Variants in EFCAB5 observed in about 807,000 individuals in gnomAD.
EFCAB5 encodes the protein EF-hand calcium binding domain 5.
EFCAB5 carries 131 observed loss-of-function variants against 167.9 expected under a neutral mutation model. The observed-to-expected ratio is 0.78, with a 90% confidence interval of 0.68 to 0.90. The LOEUF (loss-of-function observed/expected upper bound fraction) is 0.90. EFCAB5 is among the 40% of genes least tolerant of loss of function. The pLI is 0.00. For synonymous variants in EFCAB5, 574 were observed against 602.8 expected, an observed-to-expected ratio of 0.95 and a Z score of 0.70; for missense variants, 1,663 against 1,745.2, an observed-to-expected ratio of 0.95 and a Z score of 0.84.
chr17:29,993,426 G>A (rs1567700914), intron 5 of EFCAB5, 105 bp downstream of exon 5: 1 of 1,194,052 alleles, frequency 8.4e-7, no homozygotes, highest in Non-Finnish European at 1.1e-6. Flanking sequence ...GAAATTTTCA[G>A]TATTGCTGAG....
intron 1 of EFCAB5, among the ~76,000 whole-genome samples, chr17:29,932,565 C>T (rs987535036): frequency 6.7e-6 from 1 of 148,342 alleles, no homozygotes; most frequent in South Asian, 2.1e-4. Flanking sequence ...AAGCTATTCT[C>T]CTGTCTCAGC....
At chr17:30,068,970 A>G in intron 14 of EFCAB5, 1 of 1,493,684 alleles carries the variant, frequency 6.7e-7, no homozygotes, top group South Asian at 1.1e-5. Flanking sequence ...TTCAACAACT[A>G]CGAACAGAAG....
At chr17:30,072,962 A>T in intron 14 of EFCAB5, 1 of 481,400 alleles carries the variant, frequency 2.1e-6, no homozygotes, top group Non-Finnish European at 3.7e-6. Context: ...TATTATCACT[A>T]TTTGTTTTGA....
intron 8 of EFCAB5, among the ~76,000 whole-genome samples, chr17:30,045,496 T>C (rs2069899502): frequency 6.7e-6 from 1 of 150,282 alleles, no homozygotes; most frequent in African/African-American, 2.4e-5. Flanking sequence ...AGGGAGCTTC[T>C]GGGGATAATG....
At chr17:29,967,396 G>A (rs562505622) in intron 3 of EFCAB5, among the ~76,000 whole-genome samples, 1 of 152,110 alleles carries the variant, frequency 6.6e-6, no homozygotes, top group Non-Finnish European at 1.5e-5. Flanking sequence ...TCAGTGCAGG[G>A]GAAAACCCTT....
At chr17:30,037,956 A>G (rs892585476) in intron 8 of EFCAB5, among the ~76,000 whole-genome samples, 2 of 152,202 alleles carry the variant, frequency 1.3e-5, no homozygotes, top group African/African-American at 4.8e-5. Context: ...TGTGCAAGTG[A>G]AAGGAAGAGT....
intron 3 of EFCAB5, among the ~76,000 whole-genome samples, chr17:29,955,855 G>A (rs1183984707): frequency 6.6e-6 from 1 of 151,896 alleles, no homozygotes; most frequent in Non-Finnish European, 1.5e-5. Context: ...AGCTCGAGTA[G>A]CCAAGCAATC....
intron 4 of EFCAB5, among the ~76,000 whole-genome samples, chr17:29,991,068 T>C (rs905254394): frequency 6.6e-6 from 1 of 152,116 alleles, no homozygotes; most frequent in East Asian, 1.9e-4. Flanking sequence ...TGTGAAAAGG[T>C]TCCAAGGTGG....
intron 8 of EFCAB5, among the ~76,000 whole-genome samples, chr17:30,047,193 G>A (rs752109510): frequency 9.2e-5 from 14 of 152,178 alleles, no homozygotes; most frequent in Middle Eastern, 3.4e-3. Flanking sequence ...TTGAGATGCC[G>A]GAATCTTCTT....
chr17:30,000,059 A>T, intron 7 of EFCAB5, 83 bp downstream of exon 7: 1 of 975,444 alleles, frequency 1.0e-6, no homozygotes, highest in Non-Finnish European at 1.5e-6. Context: ...ACATCATTAA[A>T]TTAGTATTAA....
At chr17:30,068,899 A>G in intron 14 of EFCAB5, 1 of 1,536,328 alleles carries the variant, frequency 6.5e-7, no homozygotes, top group Non-Finnish European at 9.0e-7. Flanking sequence ...GATGACAGAC[A>G]CAGAACGAGA....
chr17:29,999,718 C>T (rs1376866585), intron 6 of EFCAB5, among the ~76,000 whole-genome samples, 188 bp from the exon 7 acceptor site: 1 of 151,866 alleles, frequency 6.6e-6, no homozygotes, highest in Non-Finnish European at 1.5e-5. Flanking sequence ...TTTGCTTGCT[C>T]AGCCAGGAAA....
Position 30,053,368 on chromosome 17 carries a change from C to A in EFCAB5, c.1414C>A (p.Leu472Ile). 6.2e-7 allele frequency: 1 copy of A among 1,614,004 alleles called. No homozygotes were observed. The highest frequency in any genetic ancestry group is 2.2e-5 in the East Asian group (1 of 44,878). The change falls in exon 10 of 23, where the codon CTT (leucine) becomes ATT (isoleucine). Residue 472 changes from leucine (L) to isoleucine (I), a missense_variant. Physicochemically the swap from Leu to Ile is conservative, Grantham distance 5 (BLOSUM62 2). Coordinates refer to ENST00000394835, the MANE Select transcript of EFCAB5 (RefSeq NM_198529.4). ...DKVLLEMNTL[L>I]SANHASKTQS... is the part of the protein sequence containing the mutation. ...AGTGCTCTTGGAGATGAATACATTA[C>A]TTTCTGCAAATCATGCTAGCAAAAC...
intron 13 of EFCAB5, among the ~76,000 whole-genome samples, chr17:30,058,262 T>C (rs1007571067): frequency 1.3e-5 from 2 of 152,148 alleles, no homozygotes; most frequent in East Asian, 3.8e-4. Flanking sequence ...ATGGCCTGAG[T>C]ATATATTTTT....
At chr17:30,034,418 G>C (rs1262813646) in intron 8 of EFCAB5, 33 bp downstream of exon 8, 1 of 1,551,762 alleles carries the variant, frequency 6.4e-7, no homozygotes, top group Non-Finnish European at 8.7e-7. Flanking sequence ...TTGCTTCTTG[G>C]CCAGACACTG....
chr17:30,020,196 A>G (rs570186095), intron 7 of EFCAB5, among the ~76,000 whole-genome samples: 111 of 152,218 alleles, frequency 7.3e-4, no homozygotes, highest in African/African-American at 2.6e-3. Context: ...AGATGGTTCC[A>G]TATATTGGCT....
intron 7 of EFCAB5, among the ~76,000 whole-genome samples, chr17:30,020,763 A>T (rs2069159103): frequency 6.6e-6 from 1 of 152,146 alleles, no homozygotes; most frequent in Non-Finnish European, 1.5e-5. Flanking sequence ...CTTTCATGTG[A>T]TGGCAGTTGA....
chr17:30,050,707 T>C (rs1597726681), intron 8 of EFCAB5, among the ~76,000 whole-genome samples: 1 of 152,336 alleles, frequency 6.6e-6, no homozygotes, highest in East Asian at 1.9e-4. Context: ...GGAACACATA[T>C]GTTAATTCTA....
intron 7 of EFCAB5, among the ~76,000 whole-genome samples, chr17:30,014,072 T>C (rs1176242370): frequency 1.3e-5 from 2 of 152,344 alleles, no homozygotes; most frequent in Middle Eastern, 3.4e-3. Context: ...CCAGTCGTCA[T>C]TCAGGAGCAG....
Sources: gnomAD v4.1 joint callset for allele counts (sites outside exome capture counted in the v4.1 genomes callset) on GRCh38, gnomAD v4.1.1 for gene constraint, MANE v1.5 for transcripts, NCBI Gene and HGNC (gene_info 2026-07-23, HGNC 2026-07-21) for gene names.